PVT1: variants seen among roughly 807,000 people sequenced by gnomAD.
The protein encoded by PVT1 is CXCR4/PVT1 fusion.
chr8:127,840,522 G>C (rs1814961612), intron 2 of PVT1, among the ~76,000 whole-genome samples: 1 of 152,200 alleles, frequency 6.6e-6, no homozygotes, highest in Non-Finnish European at 1.5e-5. Context: ...GGCCGTCCTG[G>C]GCAAGGCTTG....
At chr8:128,043,315 C>T (rs1813568233) in intron 4 of PVT1, among the ~76,000 whole-genome samples, 1 of 152,236 alleles carries the variant, frequency 6.6e-6, no homozygotes, top group African/African-American at 2.4e-5. Context: ...CCTAGGACTT[C>T]ACGTTGCAAC....
chr8:128,002,474 C>G (rs1817192007), intron 4 of PVT1, among the ~76,000 whole-genome samples: 1 of 152,230 alleles, frequency 6.6e-6, no homozygotes, highest in South Asian at 2.1e-4. Context: ...AATGTATTCT[C>G]TCATAGTTGT....
At chr8:127,949,379 C>CTGTGTGTGTGTGTGTGTGTGTGTGTGTG (rs61425056) in intron 3 of PVT1, among the ~76,000 whole-genome samples, 2 of 111,258 alleles carry the variant, frequency 1.8e-5, no homozygotes, top group Admixed American at 9.1e-5. Flanking sequence ...ACTCCAGGAG[C>CTGTGTGTGTGTGTGTGTGTGTGTGTGTG]TGTGTGTGTG....
chr8:127,947,537 C>G (rs1293342371), intron 3 of PVT1: 1 of 361,874 alleles, frequency 2.8e-6, no homozygotes, highest in Non-Finnish European at 5.4e-6. Flanking sequence ...CAAGGTGGGC[C>G]TCAGGTTTCT....
intron 3 of PVT1, among the ~76,000 whole-genome samples, chr8:127,933,020 G>T (rs1387696749): frequency 6.6e-6 from 1 of 152,104 alleles, no homozygotes; most frequent in Non-Finnish European, 1.5e-5. Context: ...CTATAAAAGG[G>T]CATATTATTG....
intron 4 of PVT1, among the ~76,000 whole-genome samples, chr8:128,061,946 C>A (rs994293634): frequency 6.6e-6 from 1 of 152,216 alleles, no homozygotes; most frequent in African/African-American, 2.4e-5. Context: ...AGCAAAATAT[C>A]TGTATTTTAA....
chr8:128,089,396 G>A (rs929383600), intron 5 of PVT1, among the ~76,000 whole-genome samples: 7 of 152,098 alleles, frequency 4.6e-5, no homozygotes, highest in Non-Finnish European at 8.8e-5. Flanking sequence ...TCAGTCATGT[G>A]GGGTCCACCG....
intron 4 of PVT1, among the ~76,000 whole-genome samples, chr8:128,011,003 G>C (rs1240892248): frequency 2.0e-5 from 3 of 152,166 alleles, no homozygotes; most frequent in African/African-American, 7.2e-5. Flanking sequence ...CTAATGAAAG[G>C]GTGGGGCTAT....
intron 3 of PVT1, among the ~76,000 whole-genome samples, chr8:127,972,781 T>G (rs1374508942): frequency 6.6e-6 from 1 of 152,090 alleles, no homozygotes; most frequent in Non-Finnish European, 1.5e-5. Flanking sequence ...TTTGCCAGGG[T>G]TCCGCTCCCA....
At chr8:127,963,020 A>G (rs760598626) in intron 3 of PVT1, among the ~76,000 whole-genome samples, 74 of 152,262 alleles carry the variant, frequency 4.9e-4, no homozygotes, top group Admixed American at 1.8e-3. Context: ...GAGGGCCCCA[A>G]TGGACCTCTG....
At chr8:127,829,966 G>A (rs894096577) in intron 2 of PVT1, among the ~76,000 whole-genome samples, 1 of 152,138 alleles carries the variant, frequency 6.6e-6, no homozygotes, top group Non-Finnish European at 1.5e-5. Flanking sequence ...GCAGCAATCT[G>A]CCTCCATCTT....
At chr8:127,797,414 C>G (rs1297925676) in intron 2 of PVT1, among the ~76,000 whole-genome samples, 1 of 152,158 alleles carries the variant, frequency 6.6e-6, no homozygotes, top group Non-Finnish European at 1.5e-5. Context: ...TTTATATTCC[C>G]AGTGTCCATG....
intron 4 of PVT1, among the ~76,000 whole-genome samples, chr8:128,020,862 G>A (rs1459511236): frequency 6.6e-6 from 1 of 152,186 alleles, no homozygotes; most frequent in African/African-American, 2.4e-5. Context: ...TTTCGCAGGG[G>A]ACCTTCAAGT....
chr8:128,008,754 A>C (rs1863562), intron 4 of PVT1: 2 of 286,092 alleles, frequency 7.0e-6, no homozygotes, highest in Admixed American at 6.9e-5. Context: ...GCACAATGCT[A>C]AGCATGTGCA....
chr8:127,917,107 C>T (rs7387614), intron 3 of PVT1, among the ~76,000 whole-genome samples: 48,104 of 152,014 alleles, frequency 0.32, 8,030 homozygotes, highest in Middle Eastern at 0.43. Flanking sequence ...AGTTCCATGA[C>T]TGTGGCAGTC....
At position 127,977,552 on chromosome 8, in the gene PVT1, G is replaced by T. The variant is rs1834620; in HGVS notation, n.783-11610G>T. Among the ~76,000 whole-genome samples, 47 of 151,960 alleles carry T rather than the reference G, an allele frequency of 3.1e-4. No individual in the cohort carries two copies. In the East Asian group the frequency reaches 8.1e-3, roughly 26 times the overall value. ...GTTCGAGACCAGCCTGGCCAACATG[G>T]TGAAACCCCATCTCTACTAAAAATA... On this transcript the variant is annotated intron_variant and non_coding_transcript_variant, in intron 3 of 10. Coordinates refer to ENST00000651587, the Ensembl canonical transcript of PVT1.
intron 2 of PVT1, among the ~76,000 whole-genome samples, chr8:127,865,797 G>C (rs924550747): frequency 2.0e-5 from 3 of 152,200 alleles, no homozygotes; most frequent in African/African-American, 4.8e-5. Flanking sequence ...TGCAATGGGC[G>C]CAGCATTTGA....
At chr8:127,855,884 C>T (rs369090395) in intron 2 of PVT1, among the ~76,000 whole-genome samples, 2 of 152,238 alleles carry the variant, frequency 1.3e-5, no homozygotes, top group African/African-American at 2.4e-5. Flanking sequence ...CCTGTGCAGC[C>T]GCCCTGGCCA....
At chr8:127,984,895 TTCTTTCTTTCTTTCTTTCTTTC>T (rs1563657522) in intron 3 of PVT1, among the ~76,000 whole-genome samples, 10 of 97,646 alleles carry the variant, frequency 1.0e-4, no homozygotes, top group Non-Finnish European at 2.2e-4. Flanking sequence ...CTTTCTTTCT[TTCTTTCTTTCTTTCTTTCTTTC>T]TTTCTCTTTC....
Sources: allele counts gnomAD v4.1 joint callset (sites outside exome capture counted in the v4.1 genomes callset), GRCh38; gene constraint gnomAD v4.1.1; transcripts MANE v1.5; gene names NCBI Gene and HGNC (gene_info 2026-07-23, HGNC 2026-07-21).